ZRSR2: variants seen among roughly 807,000 people sequenced by gnomAD.
ZRSR2 encodes the protein zinc finger CCCH-type, RNA binding motif and serine/arginine rich 2, also known as U2 small nuclear ribonucleoprotein auxiliary factor 35 kDa subunit-related protein 2.
In ZRSR2, 3 loss-of-function variants were observed where a neutral mutation model predicts 39.4. The ratio of observed to expected loss-of-function variants is 0.08; its 90% CI spans 0.03 to 0.20. ZRSR2 has a LOEUF of 0.20. Among genes scored for constraint, ZRSR2 ranks in the 10% least tolerant of loss-of-function variants. The probability of loss-of-function intolerance (pLI) is 1.00; values close to 1 mark genes in which losing one functional copy is unlikely to be tolerated. For missense variants in ZRSR2, 256 were observed against 391.5 expected (o/e 0.65, Z 2.92); for synonymous variants, 137 against 136.0 (o/e 1.01, Z -0.05).
intron 5 of ZRSR2, 66 bp from the exon 6 acceptor site, chrX:15,808,167 A>G: frequency 3.0e-6 from 3 of 990,397 alleles, no homozygotes; most frequent in South Asian, 1.9e-5. Flanking sequence ...ATTCTTAACC[A>G]GAGAAACCAG....
chrX:15,820,084 A>T (rs1933066153), intron 9 of ZRSR2, 123 bp from the exon 10 acceptor site: 1 of 610,502 alleles, frequency 1.6e-6, no homozygotes, highest in Non-Finnish European at 2.6e-6. Flanking sequence ...ACTCTTCCCT[A>T]GGTACAAAAT....
chrX:15,805,382 C>T lies in ZRSR2; in HGVS notation c.399+1185C>T, dbSNP rs190627595. Among the ~76,000 whole-genome samples, 93 of 111,777 alleles carry T rather than the reference C, an allele frequency of 8.3e-4. 4 individuals are homozygous for T. The East Asian group carries it at 0.02, about 25-fold the overall frequency. ...TTCAGGAATTCAGTAACAGCTAAGG[C>T]CTCTTTTGAATGCTTTTGTTTCAGA... On this transcript the variant is annotated intron_variant, in intron 5 of 10. Transcript: ENST00000307771.
At chrX:15,822,363 A>G (rs995025643) in intron 10 of ZRSR2, among the ~76,000 whole-genome samples, 1 of 110,681 alleles carries the variant, frequency 9.0e-6, no homozygotes, top group African/African-American at 3.3e-5. Flanking sequence ...CAGGGACCCA[A>G]AGAGCTGGCT....
intron 8 of ZRSR2, among the ~76,000 whole-genome samples, chrX:15,816,419 A>T (rs766224527): frequency 1.4e-3 from 159 of 111,220 alleles, no homozygotes; most frequent in African/African-American, 5.0e-3. Context: ...CCACCACCTA[A>T]CCCCCTTCTT....
At chrX:15,804,373 C>T (rs111294760) in intron 5 of ZRSR2, 176 bp downstream of exon 5, 9,805 of 396,082 alleles carry the variant, frequency 0.025, 104 homozygotes, top group Middle Eastern at 0.032. Flanking sequence ...TCTTCGGGTC[C>T]GTGCAGTGGC....
At chrX:15,812,219 G>A (rs770517213) in intron 7 of ZRSR2, among the ~76,000 whole-genome samples, 6 of 112,422 alleles carry the variant, frequency 5.3e-5, no homozygotes, top group South Asian at 3.6e-4. Context: ...GTGAGCCACC[G>A]CGCCTGGCTG....
intron 2 of ZRSR2, among the ~76,000 whole-genome samples, chrX:15,798,818 C>T (rs1482013871): frequency 8.9e-6 from 1 of 111,847 alleles, no homozygotes. Flanking sequence ...ATGTTGTAAA[C>T]TTCTTATTGC....
chrX:15,799,821 T>C (rs1240250995), intron 2 of ZRSR2, 51 bp from the exon 3 acceptor site: 1 of 869,558 alleles, frequency 1.2e-6, no homozygotes, highest in East Asian at 3.2e-5. Flanking sequence ...TCCTGAATTT[T>C]TGACCAAGGA....
chrX:15,813,069 G>A lies in ZRSR2; in HGVS notation c.558-2608G>A, dbSNP rs1169675138. ...GCTTCACTTTAACATGCAATGCGGG[G>A]ATTCTATGTAGGACAAAGGTAATGC... On this transcript the variant is annotated intron_variant, in intron 7 of 10. Coordinates refer to ENST00000307771, the MANE Select transcript of ZRSR2 (RefSeq NM_005089.4). 2.7e-5 allele frequency among the ~76,000 whole-genome samples: 3 copies of A among 112,180 alleles called. No individual in the cohort carries two copies. The Admixed American group carries it at 2.8e-4, about 11-fold the overall frequency.
intron 7 of ZRSR2, among the ~76,000 whole-genome samples, chrX:15,813,511 C>G (rs756017523): frequency 8.9e-6 from 1 of 111,945 alleles, no homozygotes. Context: ...TAGGGCTGGC[C>G]TTTTGTATAC....
chrX:15,800,019 T>A, intron 3 of ZRSR2, 66 bp downstream of exon 3: 1 of 777,883 alleles, frequency 1.3e-6, no homozygotes, highest in Non-Finnish European at 1.9e-6. Flanking sequence ...CAACCTTTAC[T>A]AACCAGTACC....
At chrX:15,799,270 G>A (rs972426897) in intron 2 of ZRSR2, among the ~76,000 whole-genome samples, 1 of 109,992 alleles carries the variant, frequency 9.1e-6, no homozygotes, top group African/African-American at 3.3e-5. Flanking sequence ...TGTCTGGGGT[G>A]ATATGTTGAG....
At chrX:15,804,785 T>C (rs1039791527) in intron 5 of ZRSR2, among the ~76,000 whole-genome samples, 1 of 111,533 alleles carries the variant, frequency 9.0e-6, no homozygotes, top group Non-Finnish European at 1.9e-5. Flanking sequence ...ATTGAGGAAC[T>C]AGGAAACAGT....
chrX:15,802,757 C>G (rs1486805367), intron 3 of ZRSR2, among the ~76,000 whole-genome samples: 3 of 111,214 alleles, frequency 2.7e-5, no homozygotes, highest in Non-Finnish European at 5.7e-5. Flanking sequence ...TGCGCCCGGC[C>G]CTCACTAATT....
At chrX:15,795,707 C>A (rs962835249) in intron 2 of ZRSR2, among the ~76,000 whole-genome samples, 2 of 111,921 alleles carry the variant, frequency 1.8e-5, no homozygotes, top group Non-Finnish European at 3.8e-5. Context: ...AACCCCACTA[C>A]GTTTTCATGA....
rs753026087 is a variant in ZRSR2, at chrX:15,823,152, C to T, written c.1359C>T (p.Ser453=). The T allele has an allele frequency of 8.3e-7, 1 of 1,206,322 alleles. No homozygotes were observed. The highest frequency in any genetic ancestry group is 1.1e-6 in the Non-Finnish European group (1 of 892,966). Reference sequence around the variant, plus strand: ...GCCGGAGCCGCAGGAGCCGCCGCAGCCGGAGCCAAAGTTCCTCTAGGTCCC... The same window carrying T: ...GCCGGAGCCGCAGGAGCCGCCGCAGTCGGAGCCAAAGTTCCTCTAGGTCCC... The part of the protein sequence containing the change: ...SRSRSRRSRR[S]RSQSSSRSRS... The change falls in exon 11 of 11, where the codon AGC becomes AGT. Residue 453 remains serine, a synonymous_variant. Coordinates refer to ENST00000307771, the MANE Select transcript of ZRSR2 (RefSeq NM_005089.4).
intron 7 of ZRSR2, among the ~76,000 whole-genome samples, chrX:15,814,470 A>G (rs764127570): frequency 9.0e-6 from 1 of 111,660 alleles, no homozygotes; most frequent in Admixed American, 9.5e-5. Flanking sequence ...CCCTACAAAA[A>G]TAAAATTATC....
At chrX:15,792,026 G>A (rs1399849188) in intron 2 of ZRSR2, among the ~76,000 whole-genome samples, 2 of 111,738 alleles carry the variant, frequency 1.8e-5, no homozygotes, top group African/African-American at 3.2e-5. Flanking sequence ...GGCTGGTCTC[G>A]AACTCCTGGC....
At chrX:15,794,322 C>T (rs988873766) in intron 2 of ZRSR2, among the ~76,000 whole-genome samples, 1 of 110,685 alleles carries the variant, frequency 9.0e-6, no homozygotes, top group African/African-American at 3.3e-5. Context: ...TTAGGGGACT[C>T]TGACCGCCCC....
Sources: allele counts gnomAD v4.1 joint callset (sites outside exome capture counted in the v4.1 genomes callset), GRCh38; gene constraint gnomAD v4.1.1; transcripts MANE v1.5; gene names NCBI Gene and HGNC (gene_info 2026-07-23, HGNC 2026-07-21).